Variants in KDR observed in about 807,000 individuals in gnomAD.
The protein encoded by KDR is kinase insert domain receptor.
In KDR, 43 loss-of-function variants were observed where a neutral mutation model predicts 160.9. That is an observed-to-expected ratio of 0.27 (90% CI 0.21 to 0.34). KDR has a LOEUF of 0.34. KDR is among the 10% of genes least tolerant of loss of function. KDR has a pLI of 1.00. For synonymous variants in KDR, 617 were observed against 600.1 expected (o/e 1.03, Z -0.41); for missense variants, 1,469 against 1,666.4 (o/e 0.88, Z 2.06).
chr4:55,094,942 C>T lies in KDR; in HGVS notation c.2831G>A (p.Arg944Gln), dbSNP rs374755237. 34 of 1,613,784 alleles carry T rather than the reference C, an allele frequency of 2.1e-5. No homozygotes were observed. The highest frequency in any genetic ancestry group is 3.3e-5 in the South Asian group (3 of 91,078). The change falls in exon 21 of 30, where the codon CGA (arginine) becomes CAA (glutamine). Residue 944 changes from arginine (R) to glutamine (Q), a missense_variant. By Grantham distance (43) the Arg-to-Gln change is conservative. Transcript: ENST00000263923. ...EFVPYKTKGA[R>Q]FRQGKDYVGA... is the part of the protein sequence containing the mutation. ...AACGTAGTCTTTCCCTTGACGGAAT[C>T]GTGCCCCTTTGGTCTATAAAAAAGC...
chr4:55,125,354 C>T lies in KDR; in HGVS notation c.-61G>A. 6.4e-7 allele frequency: 1 copy of T among 1,555,176 alleles called. No homozygotes were observed. The highest frequency in any genetic ancestry group is 8.7e-7 in the Non-Finnish European group (1 of 1,148,044). ...GGGAGCCGGTTCTTTCTCCCAGCGC[C>T]TGTCTAGAGAAGGAGGCGCGGAGGT... is the stretch of plus-strand genomic sequence containing the variant. On this transcript the variant is annotated 5_prime_UTR_variant, in exon 1 of 30. Transcript: ENST00000263923.
intron 15 of KDR, among the ~76,000 whole-genome samples, chr4:55,099,269 C>G (rs1720250524): frequency 6.6e-6 from 1 of 152,182 alleles, no homozygotes; most frequent in African/African-American, 2.4e-5. Context: ...TCCCCCCTGC[C>G]TTGGCCTCCC....
chr4:55,112,821 C>T (rs1357802418), intron 7 of KDR, among the ~76,000 whole-genome samples: 1 of 152,018 alleles, frequency 6.6e-6, no homozygotes, highest in Non-Finnish European at 1.5e-5. Flanking sequence ...TGAGCCACCG[C>T]GCCCGGCCTA....
At chr4:55,097,369 CT>C (rs34514266) in intron 18 of KDR, among the ~76,000 whole-genome samples, 1 of 151,968 alleles carries the variant, frequency 6.6e-6, no homozygotes, top group Non-Finnish European at 1.5e-5. Context: ...AACCACAGTC[CT>C]TTTTCCCTGT....
chr4:55,089,457 A>G lies in KDR; in HGVS notation c.3321T>C (p.Pro1107=). 1 of 1,612,288 alleles carries G rather than the reference A, an allele frequency of 6.2e-7. No individual in the cohort carries two copies. Among genetic ancestry groups the G allele is most frequent in the Non-Finnish European group, 8.5e-7 (1 of 1,178,646 alleles). The part of the protein sequence containing the change: ...EIFSLGASPY[P]GVKIDEEFCR... ...AAAATTCTTCATCAATCTTTACCCCAGGATATGGAGAAGCACCTAGAATAA... is the reference window on the plus strand; with the variant it reads ...AAAATTCTTCATCAATCTTTACCCCGGGATATGGAGAAGCACCTAGAATAA... Residue 1107 remains proline (P), a synonymous_variant, in exon 25 of 30, where the codon CCT becomes CCC. Coordinates refer to ENST00000263923, the MANE Select transcript of KDR (RefSeq NM_002253.4).
At position 55,125,412 on chromosome 4, in the gene KDR, T is replaced by C; in HGVS notation, c.-119A>G. 1 of 1,316,388 alleles carries C rather than the reference T, an allele frequency of 7.6e-7. No homozygotes were observed. The highest frequency in any genetic ancestry group is 1.1e-6 in the Non-Finnish European group (1 of 946,550). The allele number at this position is 1,316,388 out of a possible 1,614,324, so 81.5% of individuals were successfully genotyped here. On this transcript the variant is annotated 5_prime_UTR_variant, in exon 1 of 30. Coordinates refer to ENST00000263923, the MANE Select transcript of KDR (RefSeq NM_002253.4). Reference sequence around the variant, plus strand: ...GCGGCACCCCGCAGCGCAGGACAGTTGAGCGCACAGGGCTAGGGAGCCCGG... The same window carrying C: ...GCGGCACCCCGCAGCGCAGGACAGTCGAGCGCACAGGGCTAGGGAGCCCGG...
At chr4:55,107,525 G>T (rs1720474680) in intron 10 of KDR, among the ~76,000 whole-genome samples, 1 of 152,102 alleles carries the variant, frequency 6.6e-6, no homozygotes, top group East Asian at 1.9e-4. Context: ...ACCTAACAAG[G>T]CTGAGCTTAG....
At chr4:55,104,173 G>A (rs1417496943) in intron 13 of KDR, among the ~76,000 whole-genome samples, 1 of 152,108 alleles carries the variant, frequency 6.6e-6, no homozygotes, top group Non-Finnish European at 1.5e-5. Context: ...TATGCTCTAT[G>A]ACTAGAGCTA....
chr4:55,095,767 C>T (rs1458720204), intron 19 of KDR, 102 bp from the exon 20 acceptor site: 1 of 801,662 alleles, frequency 1.2e-6, no homozygotes, highest in Non-Finnish European at 2.2e-6. Flanking sequence ...AAGAAGGCTA[C>T]AACCTTTCAT....
At chr4:55,092,843 A>ACT in intron 21 of KDR, 129 bp from the exon 22 acceptor site, 1 of 706,534 alleles carries the variant, frequency 1.4e-6, no homozygotes. Flanking sequence ...GCAGAGAGTC[A>ACT]ATGCTTCTAT....
chr4:55,120,280 A>AG (rs1396127795), intron 2 of KDR, among the ~76,000 whole-genome samples: 1 of 152,312 alleles, frequency 6.6e-6, no homozygotes, highest in East Asian at 1.9e-4. Context: ...CTCTTCCAGG[A>AG]GGGTAACATC....
chr4:55,115,462 G>A (rs762462246), intron 3 of KDR, 51 bp from the exon 4 acceptor site: 1 of 1,061,624 alleles, frequency 9.4e-7, no homozygotes, highest in Non-Finnish European at 1.5e-6. Flanking sequence ...TACTAGAAAA[G>A]TTGGTCATTT....
chr4:55,093,337 C>A (rs967605252), intron 21 of KDR, among the ~76,000 whole-genome samples: 2 of 152,150 alleles, frequency 1.3e-5, no homozygotes, highest in African/African-American at 4.8e-5. Flanking sequence ...TTCAGTGCAA[C>A]TGGTACAAAT....
At position 55,104,524 on chromosome 4, in the gene KDR, G is replaced by T. The variant is rs1720389074; in HGVS notation, c.1987+119C>A. Reference sequence around the variant, plus strand: ...CCTCAAGGACTTTCGGTGAAGAAGTGTGCACCAGTTTACAACATAATCTCC... The same window carrying T: ...CCTCAAGGACTTTCGGTGAAGAAGTTTGCACCAGTTTACAACATAATCTCC... On this transcript the variant is annotated intron_variant, in intron 13 of 29. Coordinates refer to ENST00000263923, the MANE Select transcript of KDR (RefSeq NM_002253.4). 5.1e-6 allele frequency: 4 copies of T among 788,038 alleles called. No individual in the cohort carries two copies. The East Asian group carries it at 1.1e-4, about 21-fold the overall frequency. 48.8% of individuals were successfully genotyped at this position (788,038 alleles called of 1,614,324 possible). A position where few individuals can be genotyped will look rare whatever the true frequency, so the allele number is the denominator to read the frequency against.
At chr4:55,096,920 C>T (rs1030187562) in intron 18 of KDR, among the ~76,000 whole-genome samples, 7 of 152,150 alleles carry the variant, frequency 4.6e-5, no homozygotes, top group African/African-American at 1.4e-4. Context: ...ACATCTAAGG[C>T]TCTGATGAGC....
chr4:55,092,665 A>G lies in KDR; in HGVS notation c.3021T>C (p.Cys1007=), dbSNP rs2110013653. 1 of 1,614,078 alleles carries G rather than the reference A, an allele frequency of 6.2e-7. No homozygotes were observed. Among genetic ancestry groups the G allele is most frequent in the Non-Finnish European group, 8.5e-7 (1 of 1,179,934 alleles). ...KDFLTLEHLI[C]YSFQVAKGME... ...TGCCCTTAGCCACTTGGAAGCTGTA[A>G]CAGATGAGATGCTCCAAGGTCAGGA... The change falls in exon 22 of 30, where the codon TGT becomes TGC. Residue 1007 remains cysteine (C), a synonymous_variant. Transcript: ENST00000263923.
At chr4:55,095,687 A>G (rs377171726) in intron 19 of KDR, 22 bp from the exon 20 acceptor site, 3 of 1,590,824 alleles carry the variant, frequency 1.9e-6, no homozygotes, top group Non-Finnish European at 2.6e-6. Flanking sequence ...ATGTCCAGGA[A>G]GGAAAATGGG....
Position 55,113,326 on chromosome 4 carries a change from G to A in KDR, c.954C>T (p.Asn318=), listed in dbSNP as rs1419857745. Residue 318 remains asparagine (N), a synonymous_variant, in exon 7 of 30, where the codon AAC becomes AAT. Coordinates refer to ENST00000263923, the MANE Select transcript of KDR (RefSeq NM_002253.4). ...TACCATGGACCCTGACAAATGTGCT[G>A]TTCTTCTTGGTCATCAGCCCACTGG... is the stretch of plus-strand genomic sequence containing the variant. The part of the protein sequence containing the change: ...AASSGLMTKK[N]STFVRVHEKP... 4.3e-6 allele frequency: 7 copies of A among 1,614,088 alleles called. No individual in the cohort carries two copies. The South Asian group carries it at 5.5e-5, about 13-fold the overall frequency.
intron 20 of KDR, 30 bp downstream of exon 20, chr4:55,095,547 T>G: frequency 6.8e-7 from 1 of 1,480,106 alleles, no homozygotes; most frequent in East Asian, 2.3e-5. Flanking sequence ...TTTTATAACA[T>G]GGCCAGAGCA....
Sources: gnomAD v4.1 joint callset for allele counts (sites outside exome capture counted in the v4.1 genomes callset) on GRCh38, gnomAD v4.1.1 for gene constraint, MANE v1.5 for transcripts, NCBI Gene and HGNC (gene_info 2026-07-23, HGNC 2026-07-21) for gene names.